Variants in SH3KBP1 observed in about 807,000 individuals in gnomAD.
The protein encoded by SH3KBP1 is SH3 domain containing kinase binding protein 1.
Under a neutral mutation model 50.1 loss-of-function variants are expected in SH3KBP1, and 8 were observed. The ratio of observed to expected loss-of-function variants is 0.16; its 90% CI spans 0.09 to 0.29. The LOEUF (loss-of-function observed/expected upper bound fraction) is 0.29. SH3KBP1 is among the 10% of genes least tolerant of loss of function. The pLI, the probability that SH3KBP1 is intolerant of heterozygous loss-of-function variation, is 1.00. For missense variants in SH3KBP1, 377 were observed against 535.2 expected, an observed-to-expected ratio of 0.70 and a Z score of 2.92; for synonymous variants, 227 against 218.6, an observed-to-expected ratio of 1.04 and a Z score of -0.34.
intron 2 of SH3KBP1, among the ~76,000 whole-genome samples, chrX:19,791,145 A>G (rs2066515912): frequency 9.0e-6 from 1 of 111,496 alleles, no homozygotes; most frequent in African/African-American, 3.3e-5. Flanking sequence ...ATGAGATTCT[A>G]CCTTTGTGTT....
rs370190945 is a variant in SH3KBP1, at chrX:19,813,160, A to AAAGAAGAAGAAGAAG, written c.162+22950_162+22964dup. ...CCTGTCTCCAAAAACAAACAAAAAA[A>AAAGAAGAAGAAGAAG]AAGAAGAAGAAGAAGAAGAAGAAGA... is the stretch of plus-strand genomic sequence containing the variant. On this transcript the variant is annotated intron_variant, in intron 2 of 17. Transcript: ENST00000397821. Among the ~76,000 whole-genome samples the AAAGAAGAAGAAGAAG allele has an allele frequency of 4.1e-3, 432 of 104,563 alleles. 4 individuals are homozygous for AAAGAAGAAGAAGAAG. Among genetic ancestry groups the AAAGAAGAAGAAGAAG allele is most frequent in the African/African-American group, 0.015 (414 of 27,201 alleles). 90.8% of individuals were successfully genotyped at this position (104,563 alleles called of 115,157 possible).
chrX:19,793,262 C>T (rs2066594953), intron 2 of SH3KBP1, among the ~76,000 whole-genome samples: 1 of 107,163 alleles, frequency 9.3e-6, no homozygotes, highest in Non-Finnish European at 1.9e-5. Context: ...CACACCACTG[C>T]ACTCTGGCCT....
rs181437811 is a variant in SH3KBP1 at position 19,604,890 on chromosome X, C to T, written c.1005+3048G>A. Among the ~76,000 whole-genome samples the T allele has an allele frequency of 8.9e-5, 10 of 112,113 alleles. No individual in the cohort carries two copies. The East Asian group carries it at 1.4e-3, about 16-fold the overall frequency. On this transcript the variant is annotated intron_variant, in intron 9 of 17. Coordinates refer to ENST00000397821, the MANE Select transcript of SH3KBP1 (RefSeq NM_031892.3). ...CAGCTATAGGTATTACTTTGTCTGA[C>T]GGGTATGACTATTGTTTCCCTTAAA... is the stretch of plus-strand genomic sequence containing the variant.
intron 2 of SH3KBP1, among the ~76,000 whole-genome samples, chrX:19,771,060 G>A (rs964967434): frequency 4.5e-5 from 5 of 111,692 alleles, no homozygotes; most frequent in African/African-American, 1.6e-4. Flanking sequence ...GGAATGGGGG[G>A]TTGAGCCTTC....
intron 2 of SH3KBP1, among the ~76,000 whole-genome samples, chrX:19,793,430 G>A (rs1407027636): frequency 1.8e-5 from 2 of 110,168 alleles, no homozygotes; most frequent in Non-Finnish European, 3.8e-5. Flanking sequence ...TTTTCTAGCC[G>A]TGAAGCCTCA....
intron 2 of SH3KBP1, among the ~76,000 whole-genome samples, chrX:19,757,337 A>T (rs1314905295): frequency 2.7e-5 from 3 of 109,930 alleles, no homozygotes; most frequent in Non-Finnish European, 3.8e-5. Flanking sequence ...CCACAAGGAA[A>T]TTCCTAGTGA....
At chrX:19,555,929 C>T (rs1417483410) in intron 13 of SH3KBP1, among the ~76,000 whole-genome samples, 2 of 111,878 alleles carry the variant, frequency 1.8e-5, no homozygotes, top group Non-Finnish European at 3.8e-5. Context: ...GCATTTAGTG[C>T]CCTGTACTGA....
chrX:19,542,380 G>A (rs186463833), intron 15 of SH3KBP1, among the ~76,000 whole-genome samples, 187 bp from the exon 16 acceptor site: 6 of 111,879 alleles, frequency 5.4e-5, no homozygotes, highest in African/African-American at 1.9e-4. Flanking sequence ...TTACTCACAC[G>A]CCGCCTTCTA....
Position 19,852,636 on chromosome X carries a change from G to GAAAAAAAA in SH3KBP1, c.5-16362_5-16355dup, listed in dbSNP as rs760707711. On this transcript the variant is annotated intron_variant, in intron 1 of 17. Coordinates refer to ENST00000397821, the MANE Select transcript of SH3KBP1 (RefSeq NM_031892.3). ...ATGTTCCAGATACTGTAGCTGCACA[G>GAAAAAAAA]AAAAAAAAAAAAAAAAAAAAATCCA... Among the ~76,000 whole-genome samples the GAAAAAAAA allele has an allele frequency of 2.8e-3, 147 of 51,902 alleles. 3 individuals carry two copies. The highest frequency in any genetic ancestry group is 9.6e-3 in the African/African-American group (143 of 14,920). The allele number at this position is 51,902 out of a possible 115,157, so 45.1% of individuals were successfully genotyped here.
At chrX:19,643,626 C>T (rs2061923112) in intron 7 of SH3KBP1, among the ~76,000 whole-genome samples, 1 of 111,010 alleles carries the variant, frequency 9.0e-6, no homozygotes, top group South Asian at 3.7e-4. Context: ...TAATAATTCC[C>T]TTTCCTGACC....
intron 2 of SH3KBP1, among the ~76,000 whole-genome samples, chrX:19,804,054 C>A (rs2066960670): frequency 8.9e-6 from 1 of 111,823 alleles, no homozygotes; most frequent in Non-Finnish European, 1.9e-5. Context: ...TGCCTGTAAT[C>A]CCAGTTACTC....
intron 12 of SH3KBP1, among the ~76,000 whole-genome samples, chrX:19,577,696 C>T (rs1465207365): frequency 1.8e-5 from 2 of 108,512 alleles, no homozygotes; most frequent in African/African-American, 3.4e-5. Context: ...CCAAGGCAAG[C>T]AAACAAACAA....
At position 19,887,439 on chromosome X, in the gene SH3KBP1, G is replaced by A; in HGVS notation, c.-129C>T. The stretch of plus-strand genomic sequence containing the variant: ...GTCCGGACGCGGCGGCGGCTGGGCC[G>A]GCTTCTTCCTCAGTGGCGGCGGCGG... On this transcript the variant is annotated 5_prime_UTR_variant, in exon 1 of 18. Transcript: ENST00000397821. 1.9e-6 allele frequency: 1 copy of A among 529,785 alleles called. No individual in the cohort carries two copies. The highest frequency in any genetic ancestry group is 2.6e-6 in the Non-Finnish European group (1 of 389,916). The allele number at this position is 529,785 out of a possible 1,213,427, so 43.7% of individuals were successfully genotyped here.
chrX:19,887,136 G>T (rs1371599870), intron 1 of SH3KBP1, among the ~76,000 whole-genome samples, 171 bp downstream of exon 1: 2 of 110,758 alleles, frequency 1.8e-5, no homozygotes, highest in Non-Finnish European at 3.8e-5. Flanking sequence ...GCGGGCACAC[G>T]GGCGCAAGTG....
chrX:19,879,406 C>T (rs2147572637), intron 1 of SH3KBP1, among the ~76,000 whole-genome samples: 1 of 111,627 alleles, frequency 9.0e-6, no homozygotes, highest in Admixed American at 9.5e-5. Flanking sequence ...GGACCATTGT[C>T]ACTCTGCCTC....
At chrX:19,600,578 A>G (rs947989466) in intron 9 of SH3KBP1, among the ~76,000 whole-genome samples, 1 of 111,271 alleles carries the variant, frequency 9.0e-6, no homozygotes, top group Non-Finnish European at 1.9e-5. Context: ...CAAACATCCC[A>G]TTGTGACTGG....
rs764539986 is a variant in SH3KBP1, at chrX:19,679,012, T to C, written c.726+4811A>G. Reference sequence around the variant, plus strand: ...TCTCTTTCCCTCTTCAGGGCATTTATAGATATTGCTCTCCCTACCTTAATA... The same window carrying C: ...TCTCTTTCCCTCTTCAGGGCATTTACAGATATTGCTCTCCCTACCTTAATA... On this transcript the variant is annotated intron_variant, in intron 6 of 17. Coordinates refer to ENST00000397821, the MANE Select transcript of SH3KBP1 (RefSeq NM_031892.3). 7.2e-4 allele frequency among the ~76,000 whole-genome samples: 80 copies of C among 111,466 alleles called. 1 individual carries two copies. Among genetic ancestry groups the C allele is most frequent in the Non-Finnish European group, 5.3e-4 (28 of 53,093 alleles).
intron 10 of SH3KBP1, among the ~76,000 whole-genome samples, chrX:19,594,659 A>C (rs1053318461): frequency 2.7e-5 from 3 of 111,456 alleles, no homozygotes; most frequent in Admixed American, 1.9e-4. Flanking sequence ...AAAAAAACCC[A>C]AACTTGTTTT....
chrX:19,874,047 T>G (rs1239875465), intron 1 of SH3KBP1, among the ~76,000 whole-genome samples: 7 of 7,182 alleles, frequency 9.7e-4, no homozygotes, highest in African/African-American at 6.3e-3. Context: ...AGAGTCCATC[T>G]CAAAAAAAAA....
Sources: allele counts gnomAD v4.1 joint callset (sites outside exome capture counted in the v4.1 genomes callset), GRCh38; gene constraint gnomAD v4.1.1; transcripts MANE v1.5; gene names NCBI Gene and HGNC (gene_info 2026-07-23, HGNC 2026-07-21).